BANK1: variants seen among roughly 807,000 people sequenced by gnomAD.
BANK1 encodes the protein B cell scaffold protein with ankyrin repeats 1, also known as B-cell scaffold protein with ankyrin repeats.
A neutral mutation model predicts 94.5 loss-of-function variants in BANK1; 95 were observed. That is an observed-to-expected ratio of 1.00 (90% CI 0.85 to 1.19). The LOEUF is 1.19. Among genes scored for constraint, BANK1 ranks in the 50% most tolerant of loss-of-function variants. The pLI is 0.00. For synonymous variants in BANK1, 334 were observed against 308.4 expected, an observed-to-expected ratio of 1.08 and a Z score of -0.87; for missense variants, 987 against 932.2, an observed-to-expected ratio of 1.06 and a Z score of -0.77.
intron 1 of BANK1, among the ~76,000 whole-genome samples, chr4:101,824,681 T>G (rs77402008): frequency 0.033 from 4,974 of 151,868 alleles, 253 homozygotes; most frequent in African/African-American, 0.11. Flanking sequence ...TTTTTTTTTG[T>G]AATTTTTGGC....
intron 7 of BANK1, among the ~76,000 whole-genome samples, chr4:101,952,922 C>CT (rs1724219804): frequency 6.6e-6 from 1 of 152,030 alleles, no homozygotes; most frequent in African/African-American, 2.4e-5. Context: ...ACATTACCAG[C>CT]TTTTTTTCTG....
chr4:101,869,457 T>A (rs1728199800), intron 4 of BANK1, among the ~76,000 whole-genome samples: 1 of 151,870 alleles, frequency 6.6e-6, no homozygotes, highest in Non-Finnish European at 1.5e-5. Flanking sequence ...ATCTTCTTTG[T>A]AATACAGGCG....
chr4:102,056,936 C>T (rs1728245401), intron 11 of BANK1, among the ~76,000 whole-genome samples: 1 of 152,026 alleles, frequency 6.6e-6, no homozygotes, highest in African/African-American at 2.4e-5. Flanking sequence ...ACTCAGGAGG[C>T]GGAGATTGCA....
At chr4:101,947,284 A>AATATATATATAT (rs36202521) in intron 7 of BANK1, among the ~76,000 whole-genome samples, 12 of 58,254 alleles carry the variant, frequency 2.1e-4, no homozygotes, top group South Asian at 6.0e-4. Flanking sequence ...AGAAGTTGTA[A>AATATATATATAT]ATATATATAT....
chr4:101,798,600 C>A (rs1325914959), intron 1 of BANK1, among the ~76,000 whole-genome samples: 1 of 152,178 alleles, frequency 6.6e-6, no homozygotes, highest in Non-Finnish European at 1.5e-5. Flanking sequence ...GTTCCTATTT[C>A]TCCATATCCT....
Position 102,021,579 on chromosome 4 carries a change from C to T in BANK1, c.1272C>T (p.Ser424=), listed in dbSNP as rs781488702. The change falls in exon 8 of 17, where the codon TCC becomes TCT. Residue 424 remains serine (S), a synonymous_variant. Transcript: ENST00000322953. ...ATGAAGAGGATATTGCCTCATTTTC[C>T]ACATATATTCCTTGTAAGTTTTTCC... ...NDYEEDIASF[S]TYIPSTQNPA... is the part of the protein sequence containing the mutation. 7.1e-6 allele frequency: 10 copies of T among 1,401,974 alleles called. No homozygotes were observed. In the Admixed American group the frequency reaches 9.0e-5, roughly 13 times the overall value. The allele number at this position is 1,401,974 out of a possible 1,614,324, so 86.8% of individuals were successfully genotyped here. A position where few individuals can be genotyped will look rare whatever the true frequency, so the allele number is the denominator to read the frequency against.
chr4:101,831,244 G>T (rs962286396), intron 2 of BANK1, among the ~76,000 whole-genome samples: 1 of 152,052 alleles, frequency 6.6e-6, no homozygotes, highest in Non-Finnish European at 1.5e-5. Flanking sequence ...TCACCATCCT[G>T]CCCTCAGAGC....
chr4:101,893,536 T>C (rs1401140523), intron 5 of BANK1, among the ~76,000 whole-genome samples: 1 of 152,100 alleles, frequency 6.6e-6, no homozygotes, highest in African/African-American at 2.4e-5. Flanking sequence ...GATTTTCATA[T>C]ATTTAAAATT....
chr4:101,802,014 G>A (rs1000280516), intron 1 of BANK1, among the ~76,000 whole-genome samples: 4 of 152,294 alleles, frequency 2.6e-5, no homozygotes, highest in Non-Finnish European at 5.9e-5. Context: ...CAGGATGGGG[G>A]CGTGGCAAGC....
At chr4:101,819,713 C>A (rs1037063267) in intron 1 of BANK1, among the ~76,000 whole-genome samples, 8 of 152,160 alleles carry the variant, frequency 5.3e-5, no homozygotes, top group African/African-American at 1.9e-4. Flanking sequence ...GTTCAAAGGT[C>A]TAAACCTAAT....
At chr4:102,064,996 C>G (rs537533958) in intron 13 of BANK1, among the ~76,000 whole-genome samples, 22 of 152,228 alleles carry the variant, frequency 1.4e-4, no homozygotes, top group African/African-American at 5.3e-4. Context: ...AAGTCTGTGG[C>G]TGAGAGATGA....
At chr4:102,041,391 A>G (rs916988305) in intron 10 of BANK1, among the ~76,000 whole-genome samples, 2 of 152,056 alleles carry the variant, frequency 1.3e-5, no homozygotes, top group Non-Finnish European at 2.9e-5. Context: ...TTCTTCAGGA[A>G]ATAAGATAGG....
chr4:101,952,548 CATTT>C (rs1724201360), intron 7 of BANK1, among the ~76,000 whole-genome samples: 1 of 152,074 alleles, frequency 6.6e-6, no homozygotes, highest in Admixed American at 6.6e-5. Flanking sequence ...ATAGAAATAA[CATTT>C]ATTGAGTGCT....
Position 101,797,742 on chromosome 4 carries a change from A to G in BANK1, c.70+6792A>G, listed in dbSNP as rs1725207880. On this transcript the variant is annotated intron_variant, in intron 1 of 16. Transcript: ENST00000322953. ...CACCGGGAGGGCATGAGAGAATGTC[A>G]TTTCAATTTCAGATCTGTTACATTT... 7.9e-5 allele frequency among the ~76,000 whole-genome samples: 12 copies of G among 152,312 alleles called. No homozygotes were observed. In the South Asian group the frequency reaches 1.5e-3, roughly 18 times the overall value.
At chr4:102,014,163 T>G (rs1726612384) in intron 7 of BANK1, among the ~76,000 whole-genome samples, 2 of 152,178 alleles carry the variant, frequency 1.3e-5, no homozygotes, top group African/African-American at 4.8e-5. Flanking sequence ...ATATCAGTTA[T>G]GATTATCATC....
intron 13 of BANK1, 78 bp from the exon 14 acceptor site, chr4:102,071,197 A>T: frequency 6.7e-7 from 1 of 1,488,908 alleles, no homozygotes; most frequent in Admixed American, 1.7e-5. Context: ...GTAGTCCAAC[A>T]ATTAAAAAAA....
intron 7 of BANK1, among the ~76,000 whole-genome samples, chr4:101,951,083 A>G (rs1389221203): frequency 6.6e-6 from 1 of 152,142 alleles, no homozygotes; most frequent in Admixed American, 6.6e-5. Flanking sequence ...AACTAAGGAA[A>G]TCTGAGTAAA....
At chr4:102,050,339 C>T (rs904243019) in intron 11 of BANK1, among the ~76,000 whole-genome samples, 1 of 152,136 alleles carries the variant, frequency 6.6e-6, no homozygotes, top group African/African-American at 2.4e-5. Flanking sequence ...GGAGCACATC[C>T]ACCCTAACCA....
intron 5 of BANK1, among the ~76,000 whole-genome samples, chr4:101,888,082 A>C (rs1162199542): frequency 6.6e-6 from 1 of 152,222 alleles, no homozygotes; most frequent in Admixed American, 6.5e-5. Context: ...ATTTAAGAAC[A>C]GAGCAACAAA....
Sources: allele counts gnomAD v4.1 joint callset (sites outside exome capture counted in the v4.1 genomes callset), GRCh38; gene constraint gnomAD v4.1.1; transcripts MANE v1.5; gene names NCBI Gene and HGNC (gene_info 2026-07-23, HGNC 2026-07-21).